TP63: variants seen among roughly 807,000 people sequenced by gnomAD.
The protein encoded by TP63 is tumor protein 63.
Under a neutral mutation model 82.8 loss-of-function variants are expected in TP63, and 17 were observed. The observed-to-expected ratio is 0.21, with a 90% confidence interval of 0.14 to 0.31. The LOEUF is 0.31. Among genes scored for constraint, TP63 ranks in the 10% least tolerant of loss-of-function variants. The pLI is 1.00. For missense variants in TP63, 648 were observed against 895.3 expected (o/e 0.72, Z 3.52); for synonymous variants, 330 against 321.7 (o/e 1.03, Z -0.28).
chr3:189,689,205 T>G (rs1468562126), intron 1 of TP63, among the ~76,000 whole-genome samples: 1 of 145,272 alleles, frequency 6.9e-6, no homozygotes, highest in African/African-American at 2.6e-5. Flanking sequence ...AACCTCCGTT[T>G]CCCAGGTTCA....
chr3:189,626,601 C>A (rs1319796315), upstream of TP63, among the ~76,000 whole-genome samples: 1 of 152,174 alleles, frequency 6.6e-6, no homozygotes, highest in African/African-American at 2.4e-5. Context: ...CCTTGGTTAA[C>A]AGAACCTTTA....
At chr3:189,866,037 G>A (rs1217659046) in intron 5 of TP63, among the ~76,000 whole-genome samples, 2 of 152,120 alleles carry the variant, frequency 1.3e-5, no homozygotes, top group Non-Finnish European at 2.9e-5. Context: ...AGTTCTTGGA[G>A]CATCTTCTTT....
At chr3:189,829,186 G>C (rs1711912995) in intron 4 of TP63, among the ~76,000 whole-genome samples, 1 of 152,126 alleles carries the variant, frequency 6.6e-6, no homozygotes, top group Non-Finnish European at 1.5e-5. Context: ...ATAGGAGCTG[G>C]ACCAAGAGAG....
At chr3:189,620,487 C>T in the TP63 span, among the ~76,000 whole-genome samples, 15 of 121,474 alleles carry the variant, frequency 1.2e-4, no homozygotes, top group Non-Finnish European at 1.9e-4. Flanking sequence ...TCCAGTGTGG[C>T]GACAGAGCAA....
At chr3:189,799,696 A>G (rs1000104822) in intron 3 of TP63, among the ~76,000 whole-genome samples, 1 of 152,180 alleles carries the variant, frequency 6.6e-6, no homozygotes, top group Non-Finnish European at 1.5e-5. Context: ...CCCACCTACC[A>G]AGACAAAGCT....
intron 10 of TP63, chr3:189,880,301 T>A: frequency 7.4e-7 from 1 of 1,354,540 alleles, no homozygotes. Context: ...ACACTTTGGC[T>A]CAGAGACCCA....
chr3:189,668,016 C>A (rs1320164839), intron 1 of TP63, among the ~76,000 whole-genome samples: 2 of 152,060 alleles, frequency 1.3e-5, no homozygotes, highest in African/African-American at 4.8e-5. Context: ...CTATACAACA[C>A]CTCCTTATTA....
chr3:189,734,458 T>C (rs1346418403), intron 1 of TP63, among the ~76,000 whole-genome samples: 1 of 152,174 alleles, frequency 6.6e-6, no homozygotes, highest in Admixed American at 6.5e-5. Context: ...ACCTATTCAG[T>C]GAAACAACAG....
At chr3:189,832,905 A>T (rs918779617) in intron 4 of TP63, among the ~76,000 whole-genome samples, 8 of 152,322 alleles carry the variant, frequency 5.3e-5, no homozygotes, top group African/African-American at 1.9e-4. Flanking sequence ...AGCACTTCCT[A>T]CTAGTATTCT....
the TP63 span, among the ~76,000 whole-genome samples, chr3:189,600,225 G>A: frequency 6.6e-6 from 1 of 152,298 alleles, no homozygotes; most frequent in South Asian, 2.1e-4. Context: ...GGGAGAGGGG[G>A]TGGATCAATA....
intron 1 of TP63, 32 bp downstream of exon 1, chr3:189,631,609 A>G (rs1390280104): frequency 6.2e-7 from 1 of 1,612,288 alleles, no homozygotes; most frequent in Admixed American, 1.7e-5. Flanking sequence ...CTTCTCTCAA[A>G]ACTTAATTGA....
At chr3:189,893,436 C>T (rs1302537028) in intron 13 of TP63, among the ~76,000 whole-genome samples, 1 of 152,228 alleles carries the variant, frequency 6.6e-6, no homozygotes, top group Non-Finnish European at 1.5e-5. Flanking sequence ...ATCACTGAAA[C>T]AATCTAAAGA....
At chr3:189,889,251 G>T in intron 11 of TP63, 89 bp from the exon 12 acceptor site, 1 of 1,594,854 alleles carries the variant, frequency 6.3e-7, no homozygotes, top group Non-Finnish European at 8.6e-7. Flanking sequence ...TTAGGCCCTT[G>T]ATAAAATTTA....
the TP63 span, among the ~76,000 whole-genome samples, chr3:189,611,847 C>T: frequency 6.6e-6 from 1 of 152,070 alleles, no homozygotes; most frequent in Admixed American, 6.5e-5. Flanking sequence ...TTTCACCTCC[C>T]TGGTTAGCTG....
chr3:189,852,588 A>G (rs1187044884), intron 4 of TP63, among the ~76,000 whole-genome samples: 2 of 152,126 alleles, frequency 1.3e-5, no homozygotes, highest in East Asian at 1.9e-4. Flanking sequence ...ATTCATTTCT[A>G]CTGCCCTAGG....
chr3:189,730,474 G>A (rs1308832206), intron 1 of TP63, among the ~76,000 whole-genome samples: 1 of 152,192 alleles, frequency 6.6e-6, no homozygotes, highest in African/African-American at 2.4e-5. Context: ...TATTGCCCAA[G>A]TTTTGTGGTG....
chr3:189,851,477 A>G (rs1715622554), intron 4 of TP63, among the ~76,000 whole-genome samples: 1 of 152,214 alleles, frequency 6.6e-6, no homozygotes, highest in Non-Finnish European at 1.5e-5. Flanking sequence ...CTGGAGGCTG[A>G]GGCAGGAGAA....
chr3:189,638,350 CAG>C (rs1468242927), intron 1 of TP63, among the ~76,000 whole-genome samples: 1 of 152,032 alleles, frequency 6.6e-6, no homozygotes, highest in African/African-American at 2.4e-5. Flanking sequence ...TCCTAGACCT[CAG>C]GGAATCCAAG....
At chr3:189,752,140 A>T (rs534588961) in intron 3 of TP63, among the ~76,000 whole-genome samples, 25 of 152,168 alleles carry the variant, frequency 1.6e-4, no homozygotes, top group African/African-American at 5.8e-4. Flanking sequence ...GTTGAGTTAC[A>T]TCAAATTATT....
Sources: gnomAD v4.1 joint callset for allele counts (sites outside exome capture counted in the v4.1 genomes callset) on GRCh38, gnomAD v4.1.1 for gene constraint, MANE v1.5 for transcripts, NCBI Gene and HGNC (gene_info 2026-07-23, HGNC 2026-07-21) for gene names.